SOCS5: variants seen among roughly 807,000 people sequenced by gnomAD.
SOCS5 encodes the protein suppressor of cytokine signaling 5.
In SOCS5, 32 loss-of-function variants were observed where a neutral mutation model predicts 42.8. The observed-to-expected ratio is 0.75, with a 90% CI of 0.56 to 1.01. SOCS5 has a LOEUF of 1.01. Ranked by LOEUF, SOCS5 falls within the 50% of genes least tolerant of loss-of-function variation. SOCS5 has a pLI of 0.00. For missense variants in SOCS5, 627 were observed against 653.0 expected, an observed-to-expected ratio of 0.96 and a Z score of 0.43; for synonymous variants, 283 against 229.6, an observed-to-expected ratio of 1.23 and a Z score of -2.10.
intron 1 of SOCS5, among the ~76,000 whole-genome samples, chr2:46,724,940 A>G (rs1262243032): frequency 6.6e-6 from 1 of 151,098 alleles, no homozygotes; most frequent in Non-Finnish European, 1.5e-5. Flanking sequence ...TTTTTGTTGC[A>G]TAGTTTTTTG....
Position 46,700,025 on chromosome 2 carries a change from G to A in SOCS5, c.-13+576G>A, listed in dbSNP as rs187115720. Among the ~76,000 whole-genome samples the A allele has an allele frequency of 3.5e-4, 54 of 152,316 alleles. No homozygotes were observed. In the East Asian group the frequency reaches 0.01, roughly 29 times the overall value. Reference sequence around the variant, plus strand: ...GGTTTAACTAACCAAGGTGGGTAAGGGATGCGGAGGCGGGAGCTGGAAGAC... The same window carrying A: ...GGTTTAACTAACCAAGGTGGGTAAGAGATGCGGAGGCGGGAGCTGGAAGAC... On this transcript the variant is annotated intron_variant, in intron 1 of 1. Coordinates refer to ENST00000394861, the MANE Select transcript of SOCS5 (RefSeq NM_144949.3).
At chr2:46,741,448 G>A (rs989773022) in intron 1 of SOCS5, among the ~76,000 whole-genome samples, 5 of 152,024 alleles carry the variant, frequency 3.3e-5, no homozygotes, top group African/African-American at 1.2e-4. Context: ...GATTACAGGC[G>A]TGAGCCACTG....
intron 1 of SOCS5, among the ~76,000 whole-genome samples, chr2:46,728,818 A>C (rs141960154): frequency 0.048 from 7,338 of 152,206 alleles, 255 homozygotes; most frequent in Non-Finnish European, 0.08. Context: ...TGGCCTCCCA[A>C]AGTGCTGGGA....
rs956943929 is a variant in SOCS5 at position 46,758,633 on chromosome 2, A to G, written c.103A>G (p.Asn35Asp). The G allele has an allele frequency of 1.2e-6, 2 of 1,614,042 alleles. No individual in the cohort carries two copies. The highest frequency in any genetic ancestry group is 3.3e-5 in the Admixed American group (2 of 60,026). ...TAGTGAAAATGTGGACATGAACTCC[A>G]ACAGATGTTTGTCTGTCAAAGAGAA... The part of the protein sequence containing the change: ...SRSENVDMNS[N>D]RCLSVKEKNI... The change falls in exon 2 of 2, where the codon AAC (asparagine) becomes GAC (aspartate). Residue 35 changes from asparagine to aspartate, a missense_variant. Physicochemically the swap from Asn to Asp is conservative, Grantham distance 23. Around this residue, in one of 3 missense-constraint regions of SOCS5, gnomAD observed 278 missense variants for 246.3 expected, o/e 1.13. Transcript: ENST00000394861.
At chr2:46,723,171 C>T (rs986828068) in intron 1 of SOCS5, among the ~76,000 whole-genome samples, 1 of 152,014 alleles carries the variant, frequency 6.6e-6, no homozygotes, top group African/African-American at 2.4e-5. Context: ...AAGTCCAGTT[C>T]ATAATTTTTT....
chr2:46,745,019 A>C (rs576212850), intron 1 of SOCS5, among the ~76,000 whole-genome samples: 36 of 151,954 alleles, frequency 2.4e-4, no homozygotes, highest in African/African-American at 8.7e-4. Context: ...GTGGATTTCC[A>C]GGATTGACCT....
chr2:46,744,110 C>T, intron 1 of SOCS5, among the ~76,000 whole-genome samples: 1 of 152,120 alleles, frequency 6.6e-6, no homozygotes, highest in East Asian at 1.9e-4. Flanking sequence ...CTCCCTCAGC[C>T]TCCCTAGTAG....
chr2:46,711,441 G>A (rs1051450561), intron 1 of SOCS5, among the ~76,000 whole-genome samples: 2 of 152,172 alleles, frequency 1.3e-5, no homozygotes, highest in African/African-American at 4.8e-5. Context: ...TGATATGTCT[G>A]TTCAAGGCAT....
At chr2:46,704,102 C>G (rs7598569) in intron 1 of SOCS5, among the ~76,000 whole-genome samples, 4,528 of 152,204 alleles carry the variant, frequency 0.03, 253 homozygotes, top group African/African-American at 0.1. Flanking sequence ...TTAAATTTAC[C>G]TTACTCTGAT....
intron 1 of SOCS5, among the ~76,000 whole-genome samples, chr2:46,743,821 A>G (rs767515829): frequency 1.1e-4 from 16 of 152,012 alleles, no homozygotes; most frequent in Non-Finnish European, 2.1e-4. Context: ...TTCCATTTGT[A>G]TTTTCTGTTG....
chr2:46,704,063 A>C (rs925221745), intron 1 of SOCS5, among the ~76,000 whole-genome samples: 4 of 152,242 alleles, frequency 2.6e-5, no homozygotes, highest in African/African-American at 9.6e-5. Flanking sequence ...ATATATTTTC[A>C]CAGATTCATA....
At chr2:46,750,397 T>C (rs972210977) in intron 1 of SOCS5, among the ~76,000 whole-genome samples, 1 of 152,108 alleles carries the variant, frequency 6.6e-6, no homozygotes, top group Admixed American at 6.6e-5. Context: ...AAAATTGTCT[T>C]TTTTGGAGAG....
chr2:46,699,624 G>A lies in SOCS5; in HGVS notation c.-13+175G>A, dbSNP rs912516073. 1.3e-5 allele frequency among the ~76,000 whole-genome samples: 2 copies of A among 152,132 alleles called. No homozygotes were observed. Among genetic ancestry groups the A allele is most frequent in the African/African-American group, 2.4e-5 (1 of 41,450 alleles). On this transcript the variant is annotated intron_variant, in intron 1 of 1. Transcript: ENST00000394861. The surrounding 1 kb of genome is among the most constrained non-coding windows in gnomAD (Gnocchi z 4.8). ...CCTCTGGCTGGGATGGGCTGGCCGG[G>A]AAAAGGACTGCTAGCCCGGGCCGCG... is the stretch of plus-strand genomic sequence containing the variant.
intron 1 of SOCS5, among the ~76,000 whole-genome samples, chr2:46,726,738 AATTATTATTATT>A (rs111456718): frequency 4.9e-4 from 71 of 145,462 alleles, no homozygotes; most frequent in South Asian, 4.4e-4. Flanking sequence ...TTCAGTTCTA[AATTATTATTATT>A]ATTATTATTA....
rs1338125964 is a variant in SOCS5 at position 46,751,209 on chromosome 2, A to G, written c.-12-7310A>G. On this transcript the variant is annotated intron_variant, in intron 1 of 1. Coordinates refer to ENST00000394861, the MANE Select transcript of SOCS5 (RefSeq NM_144949.3). ...AGAGCCTGGTACATTGTTAGCCCCC[A>G]ATAATGTAAATTGTCATCACAGCCA... Among the ~76,000 whole-genome samples the G allele has an allele frequency of 3.9e-5, 6 of 152,220 alleles. No homozygotes were observed. The East Asian group carries it at 1.2e-3, about 29-fold the overall frequency.
intron 1 of SOCS5, among the ~76,000 whole-genome samples, chr2:46,703,531 A>T (rs1015081208): frequency 6.6e-6 from 1 of 152,240 alleles, no homozygotes; most frequent in Admixed American, 6.5e-5. Context: ...TCTATTACAT[A>T]ATCTAATCAT....
chr2:46,737,294 C>A (rs1401248279), intron 1 of SOCS5, among the ~76,000 whole-genome samples: 1 of 152,080 alleles, frequency 6.6e-6, no homozygotes, highest in African/African-American at 2.4e-5. Context: ...AATTTCTATT[C>A]TTTTGAACTA....
intron 1 of SOCS5, among the ~76,000 whole-genome samples, chr2:46,707,512 A>G (rs765295802): frequency 1.3e-5 from 2 of 152,218 alleles, no homozygotes; most frequent in African/African-American, 4.8e-5. Context: ...AAGGAGGAAG[A>G]TGCTATTTGA....
At chr2:46,746,928 T>TC (rs1673514231) in intron 1 of SOCS5, among the ~76,000 whole-genome samples, 2 of 133,320 alleles carry the variant, frequency 1.5e-5, no homozygotes, top group Middle Eastern at 3.5e-3. Context: ...ATTTCTTTTT[T>TC]TTTTTTTTTT....
Sources: gnomAD v4.1 joint callset for allele counts (sites outside exome capture counted in the v4.1 genomes callset) on GRCh38, gnomAD v4.1.1 for gene constraint, gnomAD v4.1.1 regional missense constraint, Gnocchi (gnomAD v3.1) non-coding constraint, MANE v1.5 for transcripts, NCBI Gene and HGNC (gene_info 2026-07-23, HGNC 2026-07-21) for gene names.